Variants in CCNY observed in about 807,000 individuals in gnomAD.
CCNY encodes the protein cyclin-Y.
A neutral mutation model predicts 42.8 loss-of-function variants in CCNY; 19 were observed. That is an observed-to-expected ratio of 0.44 (90% confidence interval 0.31 to 0.65). The LOEUF (loss-of-function observed/expected upper bound fraction) is 0.65, where lower values mean the gene tolerates loss of function less well. CCNY is among the 30% of genes least tolerant of loss of function. CCNY has a pLI of 0.07. For synonymous variants in CCNY, 165 were observed against 162.7 expected (o/e 1.01, Z -0.11); for missense variants, 370 against 437.3 (o/e 0.85, Z 1.37).
chr10:35,345,572 T>C (rs1392210617), intron 1 of CCNY, among the ~76,000 whole-genome samples: 5 of 152,288 alleles, frequency 3.3e-5, no homozygotes, highest in Non-Finnish European at 7.4e-5. Context: ...GATGAACTTA[T>C]GTCATTATGA....
At chr10:35,475,365 A>G (rs1410179783) in intron 1 of CCNY, among the ~76,000 whole-genome samples, 1 of 152,194 alleles carries the variant, frequency 6.6e-6, no homozygotes, top group African/African-American at 2.4e-5. Context: ...AATGAAGGAA[A>G]AAATGTTAAG....
intron 7 of CCNY, among the ~76,000 whole-genome samples, chr10:35,546,017 A>G (rs941268047): frequency 6.6e-6 from 1 of 152,176 alleles, no homozygotes; most frequent in Non-Finnish European, 1.5e-5. Flanking sequence ...TTCCCTCAAA[A>G]TAGTATGTTT....
chr10:35,269,627 T>G (rs369900747), intron 3 of CCNY, among the ~76,000 whole-genome samples: 2,126 of 139,774 alleles, frequency 0.015, 57 homozygotes, highest in African/African-American at 0.051. Flanking sequence ...CTTTTTTTTT[T>G]TTTGTTTTGT....
intron 1 of CCNY, among the ~76,000 whole-genome samples, chr10:35,451,945 C>T (rs1403997732): frequency 6.6e-6 from 1 of 152,220 alleles, no homozygotes; most frequent in East Asian, 1.9e-4. Context: ...GTCTCCTTCA[C>T]TCACAATTTC....
At chr10:35,359,842 A>G (rs1836644035) in intron 1 of CCNY, among the ~76,000 whole-genome samples, 1 of 152,242 alleles carries the variant, frequency 6.6e-6, no homozygotes, top group Admixed American at 6.5e-5. Context: ...TGGACCTCAT[A>G]TAAGTGGATC....
At chr10:35,495,175 C>A (rs937212755) in intron 2 of CCNY, among the ~76,000 whole-genome samples, 1 of 152,192 alleles carries the variant, frequency 6.6e-6, no homozygotes, top group Non-Finnish European at 1.5e-5. Context: ...TTTTATGTAT[C>A]TCTGTGTTTT....
At chr10:35,510,270 A>AG (rs1345739036) in intron 3 of CCNY, among the ~76,000 whole-genome samples, 1 of 152,150 alleles carries the variant, frequency 6.6e-6, no homozygotes, top group Non-Finnish European at 1.5e-5. Flanking sequence ...GGTGGAGTGT[A>AG]GTGGCACAAT....
At chr10:35,347,514 C>T in intron 1 of CCNY, 1 of 726,348 alleles carries the variant, frequency 1.4e-6, no homozygotes, top group Non-Finnish European at 1.7e-6. Context: ...GTGCTTACAA[C>T]ATTTTATAAG....
chr10:35,502,125 T>C (rs1840122971), intron 3 of CCNY, among the ~76,000 whole-genome samples: 2 of 152,238 alleles, frequency 1.3e-5, no homozygotes, highest in Admixed American at 1.3e-4. Flanking sequence ...AGGTGCCCCA[T>C]TGAGATACTT....
intron 1 of CCNY, among the ~76,000 whole-genome samples, chr10:35,469,054 T>C (rs983430003): frequency 2.0e-5 from 3 of 152,244 alleles, no homozygotes; most frequent in African/African-American, 2.4e-5. Flanking sequence ...CAAACCAAGA[T>C]ACTTCTGAGA....
At chr10:35,547,878 T>C (rs1388485526) in intron 7 of CCNY, among the ~76,000 whole-genome samples, 5 of 152,068 alleles carry the variant, frequency 3.3e-5, no homozygotes, top group Non-Finnish European at 7.4e-5. Context: ...AAATGCAGCA[T>C]TGGGAGCAAG....
At chr10:35,564,584 A>G (rs113526975) in intron 8 of CCNY, among the ~76,000 whole-genome samples, 1 of 152,168 alleles carries the variant, frequency 6.6e-6, no homozygotes, top group African/African-American at 2.4e-5. Context: ...CCAGACCCTC[A>G]GCGTTCAGCA....
At chr10:35,503,272 C>T (rs1165170248) in intron 3 of CCNY, among the ~76,000 whole-genome samples, 1 of 152,212 alleles carries the variant, frequency 6.6e-6, no homozygotes, top group Non-Finnish European at 1.5e-5. Flanking sequence ...TGTAAAATCA[C>T]ATCTGCTGAC....
At chr10:35,461,001 G>A (rs1839146451) in intron 1 of CCNY, among the ~76,000 whole-genome samples, 1 of 152,144 alleles carries the variant, frequency 6.6e-6, no homozygotes, top group Non-Finnish European at 1.5e-5. Flanking sequence ...GGGGAGCAGT[G>A]GGCAGGGGTG....
chr10:35,484,800 T>C (rs1439792565), intron 2 of CCNY, among the ~76,000 whole-genome samples: 2 of 152,248 alleles, frequency 1.3e-5, no homozygotes, highest in Non-Finnish European at 2.9e-5. Flanking sequence ...TCATTCTTGC[T>C]TCTTGTGAAC....
intron 1 of CCNY, among the ~76,000 whole-genome samples, chr10:35,396,210 G>T (rs1837522357): frequency 6.6e-6 from 1 of 152,192 alleles, no homozygotes; most frequent in Non-Finnish European, 1.5e-5. Flanking sequence ...TAGGATCGGG[G>T]GATCACAGTG....
chr10:35,355,399 G>T (rs1454211893), intron 1 of CCNY, among the ~76,000 whole-genome samples: 1 of 151,920 alleles, frequency 6.6e-6, no homozygotes, highest in Non-Finnish European at 1.5e-5. Context: ...GGAACCTGCT[G>T]CGTGCGGTGG....
chr10:35,502,733 A>G (rs1840135297), intron 3 of CCNY, among the ~76,000 whole-genome samples: 1 of 152,068 alleles, frequency 6.6e-6, no homozygotes, highest in African/African-American at 2.4e-5. Flanking sequence ...TGAGGAAAAT[A>G]TGAAAATTGC....
chr10:35,476,717 T>C (rs1219278266), intron 1 of CCNY, among the ~76,000 whole-genome samples: 4 of 149,722 alleles, frequency 2.7e-5, no homozygotes, highest in African/African-American at 9.9e-5. Flanking sequence ...AACATCACAA[T>C]TAAAAGAACT....
Sources: allele counts gnomAD v4.1 joint callset (sites outside exome capture counted in the v4.1 genomes callset), GRCh38; gene constraint gnomAD v4.1.1; transcripts MANE v1.5; gene names NCBI Gene and HGNC (gene_info 2026-07-23, HGNC 2026-07-21).